The following CACNA1E variants were observed in gnomAD, a reference collection of about 807,000 sequenced individuals.
CACNA1E encodes the protein calcium voltage-gated channel subunit alpha1 E, also known as voltage-dependent R-type calcium channel subunit alpha-1E.
In CACNA1E, 40 loss-of-function variants were observed where a neutral mutation model predicts 259.2. That is an observed-to-expected ratio of 0.15 (90% CI 0.12 to 0.20). CACNA1E has a LOEUF of 0.20. Among genes scored for constraint, CACNA1E ranks in the 10% least tolerant of loss-of-function variants. CACNA1E has a pLI of 1.00. For missense variants in CACNA1E, 1,874 were observed against 3,040.1 expected (o/e 0.62, Z 9.02); for synonymous variants, 1,104 against 1,138.5 (o/e 0.97, Z 0.61).
chr1:181,616,898 C>G (rs1365192278), intron 6 of CACNA1E, among the ~76,000 whole-genome samples: 3 of 152,098 alleles, frequency 2.0e-5, no homozygotes, highest in African/African-American at 7.2e-5. Context: ...GTGTCAATTA[C>G]TGTAAGTTAT....
At chr1:181,763,589 C>CCTGGCTGT in intron 34 of CACNA1E, 58 bp downstream of exon 34, 1 of 1,361,664 alleles carries the variant, frequency 7.3e-7, no homozygotes. Context: ...TACAGCCAGG[C>CCTGGCTGT]AACACTGGCA....
intron 3 of CACNA1E, among the ~76,000 whole-genome samples, chr1:181,545,736 A>G (rs920792849): frequency 1.3e-4 from 20 of 152,320 alleles, no homozygotes; most frequent in African/African-American, 4.8e-4. Context: ...CATTTTGATC[A>G]CAATAGTTGT....
chr1:181,320,120 A>T (rs1260307462), intron 1 of CACNA1E, among the ~76,000 whole-genome samples: 1 of 152,206 alleles, frequency 6.6e-6, no homozygotes, highest in Non-Finnish European at 1.5e-5. Context: ...GTAGCATGAT[A>T]TACAGTGACC....
intron 1 of CACNA1E, among the ~76,000 whole-genome samples, chr1:181,364,863 A>C (rs1358021271): frequency 3.3e-5 from 5 of 152,052 alleles, no homozygotes; most frequent in African/African-American, 4.8e-5. Context: ...AGGTGCTTTG[A>C]TAGGAGTGGG....
chr1:181,661,333 G>A (rs964073942), intron 7 of CACNA1E, among the ~76,000 whole-genome samples: 2 of 152,342 alleles, frequency 1.3e-5, no homozygotes, highest in Non-Finnish European at 2.9e-5. Context: ...GAGAAGCAGA[G>A]AAGCAGCGGG....
chr1:181,319,702 A>G (rs910400140), intron 1 of CACNA1E, among the ~76,000 whole-genome samples: 16 of 152,222 alleles, frequency 1.1e-4, no homozygotes, highest in African/African-American at 3.4e-4. Flanking sequence ...ACACATGGCC[A>G]ATGAAGACTC....
intron 6 of CACNA1E, among the ~76,000 whole-genome samples, chr1:181,608,212 G>A (rs2103096842): frequency 6.6e-6 from 1 of 152,206 alleles, no homozygotes; most frequent in Admixed American, 6.5e-5. Context: ...AGTAGGTGAG[G>A]GAGGGGCAGG....
chr1:181,513,733 T>C (rs1158880821), intron 3 of CACNA1E, among the ~76,000 whole-genome samples: 1 of 152,158 alleles, frequency 6.6e-6, no homozygotes, highest in Non-Finnish European at 1.5e-5. Context: ...TAGGGACCCA[T>C]AGGGTTCTTT....
intron 1 of CACNA1E, among the ~76,000 whole-genome samples, chr1:181,328,082 T>A (rs182227289): frequency 2.7e-4 from 41 of 152,210 alleles, no homozygotes; most frequent in Non-Finnish European, 5.0e-4. Context: ...TTGTTTGAGC[T>A]GCTGTAACAC....
rs1558322415 is a variant in CACNA1E at position 181,733,664 on chromosome 1, A to G, written c.3176A>G (p.Asn1059Ser). ...CCTGACCTCTCCTGCATCACGGCCA[A>G]CACGGACAAGGCCACCACCGAGAGC... is the stretch of plus-strand genomic sequence containing the variant. ...SEPDLSCITA[N>S]TDKATTESTS... Residue 1059 changes from asparagine (N) to serine (S), a missense_variant, in exon 21 of 48, where the codon AAC (asparagine) becomes AGC (serine). Physicochemically the swap from Asn to Ser is conservative, Grantham distance 46. Coordinates refer to ENST00000367573, the MANE Select transcript of CACNA1E (RefSeq NM_001205293.3). The G allele has an allele frequency of 6.5e-7, 1 of 1,534,136 alleles. No homozygotes were observed. Among genetic ancestry groups the G allele is most frequent in the Non-Finnish European group, 8.8e-7 (1 of 1,139,164 alleles).
At chr1:181,729,422 C>T (rs977119298) in intron 18 of CACNA1E, among the ~76,000 whole-genome samples, 8 of 152,216 alleles carry the variant, frequency 5.3e-5, no homozygotes, top group South Asian at 2.1e-4. Flanking sequence ...TGCTGATTTC[C>T]GACTACACTT....
At chr1:181,649,466 A>G (rs925885046) in intron 6 of CACNA1E, among the ~76,000 whole-genome samples, 1 of 152,226 alleles carries the variant, frequency 6.6e-6, no homozygotes, top group Non-Finnish European at 1.5e-5. Flanking sequence ...CCAAAACAGA[A>G]CTAGCATTCA....
intron 1 of CACNA1E, among the ~76,000 whole-genome samples, chr1:181,333,041 G>T (rs1016356297): frequency 1.3e-5 from 2 of 152,176 alleles, no homozygotes; most frequent in African/African-American, 4.8e-5. Context: ...GCAGGTAGGG[G>T]TGTTTCCATC....
At chr1:181,547,331 C>A (rs1647594570) in intron 3 of CACNA1E, among the ~76,000 whole-genome samples, 3 of 152,182 alleles carry the variant, frequency 2.0e-5, no homozygotes, top group Admixed American at 1.3e-4. Context: ...GGTGCTCATG[C>A]CTGTCGCTTT....
At chr1:181,673,689 G>T (rs578025906) in intron 7 of CACNA1E, among the ~76,000 whole-genome samples, 1 of 152,222 alleles carries the variant, frequency 6.6e-6, no homozygotes, top group African/African-American at 2.4e-5. Flanking sequence ...GGCTGGGCAG[G>T]ACATTCCTGT....
chr1:181,683,620 T>A (rs1336050616), intron 7 of CACNA1E, among the ~76,000 whole-genome samples: 1 of 152,172 alleles, frequency 6.6e-6, no homozygotes, highest in African/African-American at 2.4e-5. Context: ...CCCTGATATC[T>A]ATTGTTAACC....
chr1:181,421,283 G>A (rs1212917890), intron 2 of CACNA1E, among the ~76,000 whole-genome samples: 1 of 152,166 alleles, frequency 6.6e-6, no homozygotes, highest in Non-Finnish European at 1.5e-5. Flanking sequence ...CGCATTTTTT[G>A]AGTAGAGGAG....
At position 181,347,570 on chromosome 1, in the gene CACNA1E, G is replaced by T. The variant is rs193184982; in HGVS notation, c.-15+29447G>T. The stretch of plus-strand genomic sequence containing the variant: ...TCCAGACCCTGCAGGCTCTGGGATC[G>T]CCCATTCGAAAGGCCCATGCCTGCC... On this transcript the variant is annotated intron_variant, in intron 1 of 11. Transcript: ENST00000524607. Among the ~76,000 whole-genome samples the T allele has an allele frequency of 1.2e-3, 188 of 152,240 alleles. 1 individual carries two copies. The highest frequency in any genetic ancestry group is 4.3e-3 in the African/African-American group (180 of 41,552).
chr1:181,624,594 G>C (rs555759399), intron 6 of CACNA1E, among the ~76,000 whole-genome samples: 1 of 152,290 alleles, frequency 6.6e-6, no homozygotes, highest in South Asian at 2.1e-4. Context: ...TGAGATTGCA[G>C]CAATTCAGTC....
Sources: allele counts gnomAD v4.1 joint callset (sites outside exome capture counted in the v4.1 genomes callset), GRCh38; gene constraint gnomAD v4.1.1; transcripts MANE v1.5; gene names NCBI Gene and HGNC (gene_info 2026-07-23, HGNC 2026-07-21).